FARS2: variants seen among roughly 807,000 people sequenced by gnomAD.
FARS2 encodes phenylalanyl-tRNA synthetase 2, mitochondrial, also known as phenylalanine--tRNA ligase, mitochondrial.
FARS2 carries 40 observed loss-of-function variants against 46.4 expected under a neutral mutation model. The ratio of observed to expected loss-of-function variants is 0.86; its 90% CI spans 0.67 to 1.12. FARS2 has a LOEUF of 1.12. FARS2 is among the 50% of genes most tolerant of loss of function. FARS2 has a pLI of 0.00. For missense variants in FARS2, 513 were observed against 567.9 expected, an observed-to-expected ratio of 0.90 and a Z score of 0.98; for synonymous variants, 234 against 214.9, an observed-to-expected ratio of 1.09 and a Z score of -0.78.
intron 5 of FARS2, among the ~76,000 whole-genome samples, chr6:5,578,957 A>T (rs982051494): frequency 6.6e-6 from 1 of 152,222 alleles, no homozygotes; most frequent in Non-Finnish European, 1.5e-5. Flanking sequence ...AATGGGAATA[A>T]TATTAATGCT....
At chr6:5,560,537 C>T (rs550508033) in intron 5 of FARS2, among the ~76,000 whole-genome samples, 4 of 152,054 alleles carry the variant, frequency 2.6e-5, no homozygotes, top group South Asian at 2.1e-4. Context: ...GTGTTTGTTA[C>T]GATCTTCTCA....
intron 6 of FARS2, among the ~76,000 whole-genome samples, chr6:5,668,764 A>G (rs1485440334): frequency 2.3e-5 from 3 of 131,374 alleles, no homozygotes; most frequent in Admixed American, 1.9e-4. Flanking sequence ...CGTGATCTCG[A>G]CTCACTGCAA....
chr6:5,704,542 T>G (rs1758627720), intron 6 of FARS2, among the ~76,000 whole-genome samples: 1 of 152,240 alleles, frequency 6.6e-6, no homozygotes, highest in Non-Finnish European at 1.5e-5. Context: ...GCAACTATGT[T>G]TTGTCTCATT....
intron 6 of FARS2, among the ~76,000 whole-genome samples, chr6:5,674,110 T>G (rs1372276621): frequency 1.3e-5 from 2 of 150,380 alleles, no homozygotes; most frequent in East Asian, 2.0e-4. Context: ...ATTCAAACAC[T>G]GTCTTAGAAA....
chr6:5,629,910 G>A (rs1218092364), intron 6 of FARS2, among the ~76,000 whole-genome samples: 4 of 152,196 alleles, frequency 2.6e-5, no homozygotes, highest in Non-Finnish European at 1.5e-5. Flanking sequence ...GTCCTGACCT[G>A]TGCGGCCAAG....
intron 4 of FARS2, among the ~76,000 whole-genome samples, chr6:5,544,346 C>A (rs998798395): frequency 6.6e-6 from 1 of 152,194 alleles, no homozygotes; most frequent in African/African-American, 2.4e-5. Context: ...CATGTGCATG[C>A]GGGGTGGGAG....
At chr6:5,318,540 G>A (rs1343803065) in intron 1 of FARS2, among the ~76,000 whole-genome samples, 1 of 152,122 alleles carries the variant, frequency 6.6e-6, no homozygotes, top group Non-Finnish European at 1.5e-5. Context: ...GAGGGTAGTT[G>A]TCCAGATTCT....
At position 5,293,627 on chromosome 6, in the gene FARS2, T is replaced by C. The variant is rs74893439; in HGVS notation, c.-22+31967T>C. ...TTATTATTTAATAATATCATAGATATTCACTTTTATTTAAAGAGTCTTGTT... is the reference window on the plus strand; with the variant it reads ...TTATTATTTAATAATATCATAGATACTCACTTTTATTTAAAGAGTCTTGTT... On this transcript the variant is annotated intron_variant, in intron 1 of 6. Transcript: ENST00000274680. Among the ~76,000 whole-genome samples the C allele has an allele frequency of 8.9e-4, 135 of 152,336 alleles. 3 individuals carry two copies. In the East Asian group the frequency reaches 0.025, roughly 28 times the overall value.
At chr6:5,723,043 G>A (rs1475215408) in intron 6 of FARS2, among the ~76,000 whole-genome samples, 1 of 152,226 alleles carries the variant, frequency 6.6e-6, no homozygotes, top group Non-Finnish European at 1.5e-5. Flanking sequence ...AGGAGGATGA[G>A]TTGGGGAAGA....
intron 6 of FARS2, among the ~76,000 whole-genome samples, chr6:5,632,303 A>G (rs1776328410): frequency 6.6e-6 from 1 of 152,126 alleles, no homozygotes; most frequent in Non-Finnish European, 1.5e-5. Context: ...CTACAAATCT[A>G]TTTTAAGTTG....
At chr6:5,705,128 A>G (rs1307979601) in intron 6 of FARS2, among the ~76,000 whole-genome samples, 1 of 152,264 alleles carries the variant, frequency 6.6e-6, no homozygotes, top group Non-Finnish European at 1.5e-5. Context: ...TTCAAGATGG[A>G]GAAATGGCCA....
At chr6:5,724,161 C>G (rs1283756269) in intron 6 of FARS2, among the ~76,000 whole-genome samples, 1 of 152,220 alleles carries the variant, frequency 6.6e-6, no homozygotes, top group Non-Finnish European at 1.5e-5. Flanking sequence ...TAGGCAGCTT[C>G]CACAGCTTAG....
the FARS2 span, among the ~76,000 whole-genome samples, chr6:5,253,332 C>A: frequency 6.6e-6 from 1 of 151,908 alleles, no homozygotes; most frequent in South Asian, 2.1e-4. Flanking sequence ...AAAAGGAATG[C>A]AGTTTTTGCA....
chr6:5,357,167 G>T (rs1391547227), intron 1 of FARS2, among the ~76,000 whole-genome samples: 3 of 152,126 alleles, frequency 2.0e-5, no homozygotes. Flanking sequence ...CTTCAGTGCT[G>T]TGCTTTAGTT....
intron 3 of FARS2, among the ~76,000 whole-genome samples, chr6:5,408,794 T>A (rs1425887399): frequency 6.6e-6 from 1 of 152,184 alleles, no homozygotes. Context: ...GCAACGGTCA[T>A]GGCTGATTCG....
At chr6:5,328,760 G>A (rs1001635554) in intron 1 of FARS2, among the ~76,000 whole-genome samples, 2 of 152,078 alleles carry the variant, frequency 1.3e-5, no homozygotes, top group African/African-American at 2.4e-5. Flanking sequence ...GGCCTTGTAA[G>A]TAAGAGGTCC....
chr6:5,327,608 C>T (rs572268502), intron 1 of FARS2, among the ~76,000 whole-genome samples: 2 of 152,308 alleles, frequency 1.3e-5, no homozygotes, highest in Non-Finnish European at 2.9e-5. Flanking sequence ...CTGCCATGAT[C>T]GTGAGGCCTC....
chr6:5,455,242 A>G (rs1413840084), intron 4 of FARS2, among the ~76,000 whole-genome samples: 3 of 152,192 alleles, frequency 2.0e-5, no homozygotes, highest in Non-Finnish European at 4.4e-5. Flanking sequence ...AAATCTTTGC[A>G]GAAGATTCCA....
chr6:5,524,459 G>C (rs1167710084), intron 4 of FARS2, among the ~76,000 whole-genome samples: 1 of 152,236 alleles, frequency 6.6e-6, no homozygotes, highest in Non-Finnish European at 1.5e-5. Context: ...ATTAACGTAG[G>C]ATATGAGTGA....
Sources: gnomAD v4.1 joint callset for allele counts (sites outside exome capture counted in the v4.1 genomes callset) on GRCh38, gnomAD v4.1.1 for gene constraint, MANE v1.5 for transcripts, NCBI Gene and HGNC (gene_info 2026-07-23, HGNC 2026-07-21) for gene names.